Variants in TDRD1 observed in about 807,000 individuals in gnomAD.
The protein encoded by TDRD1 is tudor domain containing 1.
TDRD1 carries 37 observed loss-of-function variants against 140.6 expected under a neutral mutation model. The observed-to-expected ratio is 0.26, with a 90% CI of 0.20 to 0.35. TDRD1 has a LOEUF of 0.35. TDRD1 is among the 10% of genes least tolerant of loss of function. The probability of loss-of-function intolerance (pLI) is 1.00; values close to 1 mark genes in which losing one functional copy is unlikely to be tolerated. For synonymous variants in TDRD1, 506 were observed against 475.7 expected (o/e 1.06, Z -0.83); for missense variants, 1,243 against 1,393.0 (o/e 0.89, Z 1.71).
rs11196654 is a variant in TDRD1, at chr10:114,201,530, T to C, written c.635+15T>C. The C allele has an allele frequency of 3.9e-3, 6,301 of 1,600,202 alleles. 132 individuals are homozygous for C. In the East Asian group the frequency reaches 0.057, roughly 14 times the overall value. On this transcript the variant is annotated intron_variant, in intron 5 of 25. Coordinates refer to ENST00000251864, the Ensembl canonical transcript of TDRD1. ...GTTCAGCCAAAGTAAGGATTTATGA[T>C]CTTTTTATTCATTAAGGATTATGTA...
intron 3 of TDRD1, among the ~76,000 whole-genome samples, chr10:114,196,946 A>C (rs1195078109): frequency 7.4e-6 from 1 of 136,004 alleles, no homozygotes; most frequent in Non-Finnish European, 1.5e-5. Flanking sequence ...TCCTGGGTTT[A>C]AGCGATTCTC....
Position 114,221,494 on chromosome 10 carries a change from G to T in TDRD1, c.2890+18G>T. Reference sequence around the variant, plus strand: ...GATGCCAGGTAAGAAACCAAAATTTGAGACATATTTATGCTCATCTTTTAA... The same window carrying T: ...GATGCCAGGTAAGAAACCAAAATTTTAGACATATTTATGCTCATCTTTTAA... On this transcript the variant is annotated intron_variant, in intron 20 of 25. Coordinates refer to ENST00000251864, the Ensembl canonical transcript of TDRD1. The T allele has an allele frequency of 6.2e-7, 1 of 1,609,122 alleles. No individual in the cohort carries two copies. Among genetic ancestry groups the T allele is most frequent in the Non-Finnish European group, 8.5e-7 (1 of 1,177,882 alleles).
chr10:114,208,156 G>C (rs2035249566), intron 11 of TDRD1, among the ~76,000 whole-genome samples: 1 of 152,164 alleles, frequency 6.6e-6, no homozygotes, highest in South Asian at 2.1e-4. Context: ...TTTGACTGCT[G>C]GTGAAGAGGT....
chr10:114,205,119 C>A (rs374669956), intron 10 of TDRD1, among the ~76,000 whole-genome samples: 1 of 152,286 alleles, frequency 6.6e-6, no homozygotes, highest in South Asian at 2.1e-4. Flanking sequence ...TAACTACGAT[C>A]CCTTTAATAG....
intron 2 of TDRD1, among the ~76,000 whole-genome samples, chr10:114,190,747 C>G (rs1379689582): frequency 1.3e-5 from 2 of 152,168 alleles, no homozygotes; most frequent in African/African-American, 2.4e-5. Context: ...CTTGGCCTCC[C>G]AAAGTGCTGG....
At chr10:114,206,449 G>A in intron 11 of TDRD1, 119 bp downstream of exon 11, 1 of 672,956 alleles carries the variant, frequency 1.5e-6, no homozygotes, top group African/African-American at 1.8e-5. Context: ...CATCCTATGA[G>A]CAATTTAAAT....
chr10:114,188,457 G>C lies in TDRD1; in HGVS notation c.325+301G>C, dbSNP rs945136187. 4.6e-5 allele frequency among the ~76,000 whole-genome samples: 7 copies of C among 152,278 alleles called. No homozygotes were observed. The East Asian group carries it at 1.4e-3, about 29-fold the overall frequency. On this transcript the variant is annotated intron_variant, in intron 2 of 25. Coordinates refer to ENST00000251864, the Ensembl canonical transcript of TDRD1. ...TTATGGGTGTTCTAAAGATTGACCC[G>C]TATCTTAAAAATACTGTGCAAACTT...
At chr10:114,202,372 G>T in intron 6 of TDRD1, 74 bp downstream of exon 6, 10 of 1,040,156 alleles carry the variant, frequency 9.6e-6, no homozygotes, top group South Asian at 2.1e-5. Flanking sequence ...AATATTTTAG[G>T]CTTATTTCTG....
At chr10:114,213,257 T>C in intron 14 of TDRD1, 89 bp from the exon 15 acceptor site, 1 of 1,237,254 alleles carries the variant, frequency 8.1e-7, no homozygotes, top group South Asian at 1.5e-5. Context: ...TTGCCATAGG[T>C]TTCTTAAGTT....
At chr10:114,190,345 A>G (rs1472909974) in intron 2 of TDRD1, among the ~76,000 whole-genome samples, 1 of 152,250 alleles carries the variant, frequency 6.6e-6, no homozygotes, top group African/African-American at 2.4e-5. Flanking sequence ...ATGTAAACAA[A>G]AGCTGTGTAG....
chr10:114,228,606 A>G (rs928638820), intron 25 of TDRD1: 3 of 985,246 alleles, frequency 3.0e-6, no homozygotes, highest in Non-Finnish European at 3.6e-6. Context: ...CACTGAGGGT[A>G]TTTTTCATTT....
At chr10:114,193,162 C>T (rs1589666399) in intron 3 of TDRD1, among the ~76,000 whole-genome samples, 1 of 151,878 alleles carries the variant, frequency 6.6e-6, no homozygotes, top group East Asian at 1.9e-4. Flanking sequence ...TCAATTTACA[C>T]TTAAGTATTT....
chr10:114,223,995 C>T (rs901621260), intron 21 of TDRD1, among the ~76,000 whole-genome samples: 2 of 152,180 alleles, frequency 1.3e-5, no homozygotes, highest in Non-Finnish European at 2.9e-5. Flanking sequence ...CTTCTGCCCC[C>T]CACACTGTGT....
chr10:114,206,203 T>C (rs1031518767), intron 10 of TDRD1, 41 bp from the exon 11 acceptor site: 1 of 1,401,752 alleles, frequency 7.1e-7, no homozygotes, highest in African/African-American at 1.4e-5. Context: ...ATTCTTTGTA[T>C]AGTTTCTCAA....
At chr10:114,199,899 T>C (rs1029666460) in intron 4 of TDRD1, among the ~76,000 whole-genome samples, 1 of 152,248 alleles carries the variant, frequency 6.6e-6, no homozygotes, top group African/African-American at 2.4e-5. Context: ...CTGTTATGAA[T>C]AGAGCTCTCT....
At chr10:114,200,266 G>GT (rs2034641065) in intron 4 of TDRD1, among the ~76,000 whole-genome samples, 1 of 152,168 alleles carries the variant, frequency 6.6e-6, no homozygotes, top group Non-Finnish European at 1.5e-5. Flanking sequence ...ATCTTGAGCA[G>GT]TTTTTTCTGT....
intron 6 of TDRD1, among the ~76,000 whole-genome samples, chr10:114,202,831 G>T (rs1305590106): frequency 1.3e-5 from 2 of 151,972 alleles, no homozygotes; most frequent in Non-Finnish European, 2.9e-5. Flanking sequence ...CATTTTTTTT[G>T]AAATAAAGTC....
At chr10:114,206,813 C>CCATGTTGGCCAGGCTCT (rs1554942525) in intron 11 of TDRD1, among the ~76,000 whole-genome samples, 2 of 152,068 alleles carry the variant, frequency 1.3e-5, no homozygotes, top group Non-Finnish European at 2.9e-5. Flanking sequence ...CAGGGTTTCA[C>CCATGTTGGCCAGGCTCT]CATGTTGGCC....
intron 1 of TDRD1, among the ~76,000 whole-genome samples, chr10:114,187,020 A>G (rs939218575): frequency 3.9e-5 from 6 of 152,210 alleles, no homozygotes; most frequent in African/African-American, 1.4e-4. Context: ...TTCAGAAAGA[A>G]GAGGTGTTCG....
Sources: allele counts gnomAD v4.1 joint callset (sites outside exome capture counted in the v4.1 genomes callset), GRCh38; gene constraint gnomAD v4.1.1; transcripts MANE v1.5; gene names NCBI Gene and HGNC (gene_info 2026-07-23, HGNC 2026-07-21).